PPARGC1A: variants seen among roughly 807,000 people sequenced by gnomAD.
PPARGC1A encodes peroxisome proliferator-activated receptor gamma coactivator 1-alpha.
PPARGC1A carries 25 observed loss-of-function variants against 88.7 expected under a neutral mutation model. The ratio of observed to expected loss-of-function variants is 0.28; its 90% CI spans 0.21 to 0.39. PPARGC1A has a LOEUF of 0.39. PPARGC1A is among the 10% of genes least tolerant of loss of function. The pLI, the probability that PPARGC1A is intolerant of heterozygous loss-of-function variation, is 1.00. For synonymous variants in PPARGC1A, 363 were observed against 355.6 expected (o/e 1.02, Z -0.24); for missense variants, 880 against 968.7 (o/e 0.91, Z 1.22).
the PPARGC1A span, among the ~76,000 whole-genome samples, chr4:24,005,480 A>C: frequency 0.03 from 4,613 of 152,236 alleles, 260 homozygotes; most frequent in African/African-American, 0.11. Context: ...CTAATCTGTT[A>C]AATGAGCTAA....
the PPARGC1A span, among the ~76,000 whole-genome samples, chr4:24,126,907 A>G: frequency 0.62 from 94,290 of 152,002 alleles, 29,682 homozygotes; most frequent in Non-Finnish European, 0.67. Context: ...CATCACGAGG[A>G]CTTCCCAGAC....
chr4:24,467,932 G>C, the PPARGC1A span, among the ~76,000 whole-genome samples: 1 of 152,184 alleles, frequency 6.6e-6, no homozygotes, highest in Non-Finnish European at 1.5e-5. Flanking sequence ...GTCAAGCCTC[G>C]TGGTAATGTC....
chr4:24,010,557 C>G, the PPARGC1A span, among the ~76,000 whole-genome samples: 1 of 151,268 alleles, frequency 6.6e-6, no homozygotes, highest in South Asian at 2.1e-4. Flanking sequence ...GTGGGAAGGA[C>G]AGACCAAAAA....
chr4:23,844,745 A>T (rs1469048635), intron 2 of PPARGC1A, among the ~76,000 whole-genome samples: 95 of 105,830 alleles, frequency 9.0e-4, no homozygotes, highest in Non-Finnish European at 1.2e-3. Context: ...GATATATCAT[A>T]ATATATGATA....
chr4:24,327,676 C>G, the PPARGC1A span, among the ~76,000 whole-genome samples: 144,366 of 151,466 alleles, frequency 0.95, 69,238 homozygotes, highest in East Asian at 1. Flanking sequence ...TCCCACTCTA[C>G]GTTCCCATAC....
the PPARGC1A span, among the ~76,000 whole-genome samples, chr4:24,110,068 C>T: frequency 6.6e-6 from 1 of 152,198 alleles, no homozygotes; most frequent in African/African-American, 2.4e-5. Context: ...GAAGACCAGA[C>T]TGTGCTTCCT....
the PPARGC1A span, among the ~76,000 whole-genome samples, chr4:24,071,781 G>C: frequency 6.6e-6 from 1 of 152,092 alleles, no homozygotes; most frequent in East Asian, 1.9e-4. Flanking sequence ...AAAACTAACT[G>C]TTCAGCCTTG....
the PPARGC1A span, among the ~76,000 whole-genome samples, chr4:24,048,393 C>T: frequency 1.3e-5 from 2 of 152,186 alleles, no homozygotes; most frequent in Admixed American, 1.3e-4. Context: ...TTTGTCAATA[C>T]TTTACTTCTC....
At chr4:24,307,473 T>G in the PPARGC1A span, among the ~76,000 whole-genome samples, 2 of 152,234 alleles carry the variant, frequency 1.3e-5, no homozygotes, top group East Asian at 1.9e-4. Context: ...ACATGGTGTA[T>G]GCCTGGCATT....
chr4:24,312,805 A>T, the PPARGC1A span, among the ~76,000 whole-genome samples: 3 of 152,148 alleles, frequency 2.0e-5, no homozygotes, highest in African/African-American at 7.2e-5. Context: ...ATAACAGTAT[A>T]AACTATTCTT....
At chr4:23,979,260 A>G in the PPARGC1A span, among the ~76,000 whole-genome samples, 4 of 152,206 alleles carry the variant, frequency 2.6e-5, no homozygotes, top group African/African-American at 9.7e-5. Context: ...TATTTTTAAC[A>G]TCAGCAAGCC....
At chr4:24,007,491 G>A in the PPARGC1A span, among the ~76,000 whole-genome samples, 7 of 152,226 alleles carry the variant, frequency 4.6e-5, no homozygotes, top group Non-Finnish European at 1.0e-4. Context: ...AAGGAGCACA[G>A]GGTAATGACC....
chr4:23,814,050 G>A lies in PPARGC1A; in HGVS notation c.1433C>T (p.Ala478Val). ...GTCCCTCAGTTCACCGGTCTTGTCTGCTTCGTCGTCAAAAACAGCTTGACT... is the reference window on the plus strand; with the variant it reads ...GTCCCTCAGTTCACCGGTCTTGTCTACTTCGTCGTCAAAAACAGCTTGACT... ...HPSQAVFDDE[A>V]DKTGELRDSD... The change falls in exon 8 of 13, where the codon GCA (alanine) becomes GTA (valine). Residue 478 changes from alanine (A) to valine (V), a missense_variant. Coordinates refer to ENST00000264867, the MANE Select transcript of PPARGC1A (RefSeq NM_013261.5). 1 of 1,614,016 alleles carries A rather than the reference G, an allele frequency of 6.2e-7. No individual in the cohort carries two copies. The highest frequency in any genetic ancestry group is 1.3e-5 in the African/African-American group (1 of 75,014).
the PPARGC1A span, among the ~76,000 whole-genome samples, chr4:24,298,208 A>G: frequency 6.6e-6 from 1 of 151,936 alleles, no homozygotes; most frequent in Non-Finnish European, 1.5e-5. Flanking sequence ...GATAAGAAAG[A>G]AAAGGAGGTA....
the PPARGC1A span, among the ~76,000 whole-genome samples, chr4:23,927,820 T>C: frequency 9.5e-4 from 145 of 152,324 alleles, no homozygotes; most frequent in African/African-American, 3.2e-3. Context: ...GTTTCTGTTA[T>C]TGATTCCTAC....
At chr4:24,441,239 C>T in the PPARGC1A span, among the ~76,000 whole-genome samples, 63 of 152,256 alleles carry the variant, frequency 4.1e-4, no homozygotes, top group Non-Finnish European at 4.7e-4. Context: ...CAGAAGTATT[C>T]CACCCTAGCA....
At chr4:24,032,294 A>G in the PPARGC1A span, among the ~76,000 whole-genome samples, 1 of 152,206 alleles carries the variant, frequency 6.6e-6, no homozygotes, top group Non-Finnish European at 1.5e-5. Flanking sequence ...CAAGTGTGCC[A>G]AGGCTGAGAA....
chr4:24,426,726 C>G, the PPARGC1A span, among the ~76,000 whole-genome samples: 1 of 152,100 alleles, frequency 6.6e-6, no homozygotes, highest in African/African-American at 2.4e-5. Context: ...TCAAACTGTT[C>G]CAAGTCTGGC....
chr4:23,844,760 T>TAATAA (rs1560428665), intron 2 of PPARGC1A, among the ~76,000 whole-genome samples: 1 of 109,236 alleles, frequency 9.2e-6, no homozygotes, highest in African/African-American at 4.3e-5. Context: ...ATGATATATA[T>TAATAA]TATAATAATA....
Sources: allele counts gnomAD v4.1 joint callset (sites outside exome capture counted in the v4.1 genomes callset), GRCh38; gene constraint gnomAD v4.1.1; transcripts MANE v1.5; gene names NCBI Gene and HGNC (gene_info 2026-07-23, HGNC 2026-07-21).